OSBP2: variants seen among roughly 807,000 people sequenced by gnomAD.
OSBP2 encodes the protein oxysterol binding protein 2, also known as oxysterol-binding protein 2.
OSBP2 carries 66 observed loss-of-function variants against 96.0 expected under a neutral mutation model. The observed-to-expected ratio is 0.69, with a 90% CI of 0.56 to 0.84. OSBP2 has a LOEUF of 0.84. Among genes scored for constraint, OSBP2 ranks in the 40% least tolerant of loss-of-function variants. The pLI is 0.00. For missense variants in OSBP2, 1,038 were observed against 1,222.7 expected, an observed-to-expected ratio of 0.85 and a Z score of 2.25; for synonymous variants, 525 against 520.9, an observed-to-expected ratio of 1.01 and a Z score of -0.11.
chr22:30,891,805 A>T (rs1015782625), intron 8 of OSBP2, among the ~76,000 whole-genome samples: 1 of 152,164 alleles, frequency 6.6e-6, no homozygotes, highest in African/African-American at 2.4e-5. Context: ...AGCAGACATT[A>T]GGTGCCCTCG....
chr22:30,890,640 G>A lies in OSBP2; in HGVS notation c.1624-88G>A. On this transcript the variant is annotated intron_variant, in intron 7 of 13. Transcript: ENST00000332585. The surrounding 1 kb of genome is among the most constrained non-coding windows in gnomAD (Gnocchi z 4.4). ...CACTGTGAAGGTGCTGTCTGAGCAG[G>A]GATGTCCCTGAACATCCGAGAAAAG... is the stretch of plus-strand genomic sequence containing the variant. 6.9e-7 allele frequency: 1 copy of A among 1,458,524 alleles called. No individual in the cohort carries two copies. Among genetic ancestry groups the A allele is most frequent in the South Asian group, 1.2e-5 (1 of 83,258 alleles). 90.3% of individuals were successfully genotyped at this position (1,458,524 alleles called of 1,614,324 possible).
chr22:30,723,648 A>G (rs2089592064), intron 1 of OSBP2, among the ~76,000 whole-genome samples: 1 of 151,414 alleles, frequency 6.6e-6, no homozygotes, highest in Admixed American at 6.6e-5. Flanking sequence ...TCCTGACCTT[A>G]AGTGATCCAC....
intron 2 of OSBP2, among the ~76,000 whole-genome samples, chr22:30,745,402 G>A (rs1321173625): frequency 2.0e-5 from 3 of 152,210 alleles, no homozygotes; most frequent in African/African-American, 7.2e-5. Flanking sequence ...GCTCACGCCT[G>A]TAATCCCAGC....
At chr22:30,866,814 C>T (rs2039349372) in intron 2 of OSBP2, among the ~76,000 whole-genome samples, 1 of 152,162 alleles carries the variant, frequency 6.6e-6, no homozygotes, top group Non-Finnish European at 1.5e-5. Flanking sequence ...AATAAATTAC[C>T]ACAAACAAGT....
Position 30,768,664 on chromosome 22 carries a change from C to T in OSBP2, c.853+27295C>T, listed in dbSNP as rs558781918. ...TGCACTCCAGCCTGGGGGACAAGAG[C>T]GAGAAACTCCATCTCAAAAAAAAAA... On this transcript the variant is annotated intron_variant, in intron 2 of 13. Transcript: ENST00000332585. Among the ~76,000 whole-genome samples, 55 of 150,614 alleles carry T rather than the reference C, an allele frequency of 3.7e-4. No individual in the cohort carries two copies. The South Asian group carries it at 0.012, about 32-fold the overall frequency.
chr22:30,851,072 G>GT (rs1417791758), intron 2 of OSBP2, among the ~76,000 whole-genome samples: 2 of 151,504 alleles, frequency 1.3e-5, no homozygotes, highest in Non-Finnish European at 2.9e-5. Context: ...TTATTTTATT[G>GT]TTTTTTTGAG....
intron 1 of OSBP2, among the ~76,000 whole-genome samples, chr22:30,733,059 C>T (rs1411455287): frequency 2.0e-5 from 3 of 152,192 alleles, no homozygotes; most frequent in African/African-American, 4.8e-5. Context: ...AAAGCACTTC[C>T]GTTTCATGAA....
At chr22:30,779,106 G>C (rs1345977143) in intron 2 of OSBP2, among the ~76,000 whole-genome samples, 1 of 150,888 alleles carries the variant, frequency 6.6e-6, no homozygotes, top group Non-Finnish European at 1.5e-5. Context: ...GATAGATACA[G>C]AATTTCGCTT....
chr22:30,796,775 TG>T (rs2090769427), intron 2 of OSBP2, among the ~76,000 whole-genome samples: 1 of 152,242 alleles, frequency 6.6e-6, no homozygotes, highest in South Asian at 2.1e-4. Flanking sequence ...CCCAAAGTGC[TG>T]GGATTACAGG....
At chr22:30,830,194 G>A (rs988226718) in intron 2 of OSBP2, among the ~76,000 whole-genome samples, 11 of 152,232 alleles carry the variant, frequency 7.2e-5, no homozygotes, top group African/African-American at 1.7e-4. Context: ...AAATAGATGA[G>A]CAATATGAAT....
chr22:30,799,010 T>C (rs2090807489), intron 2 of OSBP2, among the ~76,000 whole-genome samples: 2 of 135,734 alleles, frequency 1.5e-5, no homozygotes, highest in African/African-American at 5.3e-5. Flanking sequence ...TGAGACTCTG[T>C]CTCAAAAAAA....
chr22:30,809,030 A>G (rs1361758637), intron 2 of OSBP2, among the ~76,000 whole-genome samples: 1 of 152,326 alleles, frequency 6.6e-6, no homozygotes, highest in South Asian at 2.1e-4. Context: ...GGGGAAGGTC[A>G]TGTGAAGTCA....
intron 2 of OSBP2, among the ~76,000 whole-genome samples, chr22:30,814,594 C>G (rs1266783142): frequency 6.6e-6 from 1 of 151,828 alleles, no homozygotes; most frequent in Non-Finnish European, 1.5e-5. Flanking sequence ...CCACTCTCAG[C>G]TATTTTTGTA....
chr22:30,799,474 C>T (rs1198219228), intron 2 of OSBP2, among the ~76,000 whole-genome samples: 2 of 152,224 alleles, frequency 1.3e-5, no homozygotes, highest in Non-Finnish European at 2.9e-5. Context: ...CTGAAAGATA[C>T]TGCAGGCAGT....
At chr22:30,823,092 T>C (rs1380237597) in intron 2 of OSBP2, among the ~76,000 whole-genome samples, 1 of 152,236 alleles carries the variant, frequency 6.6e-6, no homozygotes, top group Non-Finnish European at 1.5e-5. Flanking sequence ...GGAGCCCCTG[T>C]AGAGTCGCTG....
intron 2 of OSBP2, among the ~76,000 whole-genome samples, chr22:30,823,197 T>A (rs1569138427): frequency 6.6e-6 from 1 of 151,780 alleles, no homozygotes; most frequent in Non-Finnish European, 1.5e-5. Flanking sequence ...TGAGCAACCC[T>A]CCCTCCCCGT....
chr22:30,869,852 G>GT (rs2147107432), intron 2 of OSBP2, among the ~76,000 whole-genome samples: 1 of 152,352 alleles, frequency 6.6e-6, no homozygotes, highest in South Asian at 2.1e-4. Flanking sequence ...GTTCCATGCA[G>GT]TGGGGACATG....
intron 2 of OSBP2, among the ~76,000 whole-genome samples, chr22:30,808,511 G>C (rs574191270): frequency 6.6e-6 from 1 of 152,146 alleles, no homozygotes; most frequent in African/African-American, 2.4e-5. Flanking sequence ...TGTCTCAAAA[G>C]AAAAACAAAA....
At chr22:30,695,818 C>A in intron 1 of OSBP2, among the ~76,000 whole-genome samples, 1 of 152,158 alleles carries the variant, frequency 6.6e-6, no homozygotes, top group Non-Finnish European at 1.5e-5. Flanking sequence ...AGGGAGTGAT[C>A]TGGGGCCTCA....
Sources: gnomAD v4.1 joint callset for allele counts (sites outside exome capture counted in the v4.1 genomes callset) on GRCh38, gnomAD v4.1.1 for gene constraint, Gnocchi (gnomAD v3.1) non-coding constraint, MANE v1.5 for transcripts, NCBI Gene and HGNC (gene_info 2026-07-23, HGNC 2026-07-21) for gene names.